NSG2: variants seen among roughly 807,000 people sequenced by gnomAD.
The protein encoded by NSG2 is neuronal vesicle trafficking-associated protein 2.
In NSG2, 4 loss-of-function variants were observed where a neutral mutation model predicts 16.9. The observed-to-expected ratio is 0.24, with a 90% confidence interval of 0.12 to 0.54. The LOEUF is 0.54. NSG2 is among the 20% of genes least tolerant of loss of function. The probability of loss-of-function intolerance (pLI) is 0.95; values close to 1 mark genes in which losing one functional copy is unlikely to be tolerated. For synonymous variants in NSG2, 98 were observed against 88.7 expected, an observed-to-expected ratio of 1.11 and a Z score of -0.59; for missense variants, 179 against 221.1, an observed-to-expected ratio of 0.81 and a Z score of 1.21.
chr5:174,059,293 G>A (rs922346056), intron 2 of NSG2, among the ~76,000 whole-genome samples: 2 of 152,124 alleles, frequency 1.3e-5, no homozygotes, highest in Non-Finnish European at 2.9e-5. Flanking sequence ...ATAGCGGTGA[G>A]GCATTCCATT....
intron 2 of NSG2, among the ~76,000 whole-genome samples, chr5:174,047,515 G>A (rs530112440): frequency 7.9e-5 from 12 of 152,324 alleles, no homozygotes; most frequent in African/African-American, 2.9e-4. Flanking sequence ...TTTGAATTGG[G>A]CTTTTAAAGG....
intron 3 of NSG2, among the ~76,000 whole-genome samples, chr5:174,085,674 A>C (rs1401151186): frequency 2.0e-5 from 3 of 152,092 alleles, no homozygotes; most frequent in Non-Finnish European, 4.4e-5. Context: ...CTTTGTACAA[A>C]ATGACCCTGG....
intron 3 of NSG2, among the ~76,000 whole-genome samples, chr5:174,089,972 A>C (rs1394656975): frequency 2.0e-5 from 3 of 152,170 alleles, no homozygotes; most frequent in African/African-American, 7.2e-5. Context: ...AGAGAAAGGC[A>C]AAGGGCTGGA....
At chr5:174,046,994 T>A in intron 2 of NSG2, 110 bp downstream of exon 2, 2 of 1,063,782 alleles carry the variant, frequency 1.9e-6, no homozygotes, top group Non-Finnish European at 2.8e-6. Context: ...ATCTGCCAAA[T>A]GTGCTCCCTT....
At chr5:174,054,303 G>A (rs1759934703) in intron 2 of NSG2, among the ~76,000 whole-genome samples, 1 of 152,224 alleles carries the variant, frequency 6.6e-6, no homozygotes, top group Non-Finnish European at 1.5e-5. Flanking sequence ...ATTGGGGTAG[G>A]TGCGTTCCAT....
chr5:174,075,194 A>G (rs1186531164), intron 3 of NSG2, among the ~76,000 whole-genome samples: 1 of 152,166 alleles, frequency 6.6e-6, no homozygotes, highest in Admixed American at 6.5e-5. Flanking sequence ...AACTCATGAA[A>G]TAGGCATATT....
intron 2 of NSG2, 88 bp downstream of exon 2, chr5:174,046,972 T>C (rs1759811114): frequency 7.4e-7 from 1 of 1,345,544 alleles, no homozygotes; most frequent in Admixed American, 1.9e-5. Flanking sequence ...CCCCAAATCC[T>C]TTCATTCTCT....
chr5:174,065,574 G>A (rs1387401220), intron 3 of NSG2, among the ~76,000 whole-genome samples: 1 of 152,198 alleles, frequency 6.6e-6, no homozygotes, highest in Non-Finnish European at 1.5e-5. Context: ...GGAGTGTGGT[G>A]GATGAAAGGG....
intron 3 of NSG2, among the ~76,000 whole-genome samples, chr5:174,098,167 CAG>C (rs1441024102): frequency 2.6e-5 from 4 of 152,144 alleles, no homozygotes; most frequent in Non-Finnish European, 5.9e-5. Context: ...GAAAGGCACA[CAG>C]GGGCTCCAGG....
At chr5:174,073,728 A>G (rs375060674) in intron 3 of NSG2, among the ~76,000 whole-genome samples, 2 of 152,220 alleles carry the variant, frequency 1.3e-5, no homozygotes, top group African/African-American at 2.4e-5. Flanking sequence ...AGGAATGTGC[A>G]TAGGGTTTGA....
Position 174,046,743 on chromosome 5 carries a change from G to A in NSG2, c.-13G>A. 6.2e-7 allele frequency: 1 copy of A among 1,613,948 alleles called. No homozygotes were observed. The highest frequency in any genetic ancestry group is 8.5e-7 in the Non-Finnish European group (1 of 1,180,000). ...CCACTGCTTGCCTTAGGTCTGGGAAGAAAGGCGTAAGGATGGTGAAGCTGA... is the reference window on the plus strand; with the variant it reads ...CCACTGCTTGCCTTAGGTCTGGGAAAAAAGGCGTAAGGATGGTGAAGCTGA... On this transcript the variant is annotated 5_prime_UTR_variant, in exon 2 of 5. Transcript: ENST00000303177.
intron 3 of NSG2, chr5:174,084,066 C>T (rs910262179): frequency 6.6e-6 from 1 of 152,298 alleles, no homozygotes. Context: ...ATGTCTTGCC[C>T]GCCTGCTGCA....
chr5:174,105,268 A>G (rs543194521), intron 4 of NSG2, among the ~76,000 whole-genome samples: 37 of 152,164 alleles, frequency 2.4e-4, no homozygotes, highest in Non-Finnish European at 4.6e-4. Flanking sequence ...CCAGCCTGAA[A>G]ATGTGTATAC....
chr5:174,083,756 AAGAC>A (rs1353655411), intron 3 of NSG2, among the ~76,000 whole-genome samples: 1 of 152,242 alleles, frequency 6.6e-6, no homozygotes, highest in Non-Finnish European at 1.5e-5. Flanking sequence ...GACCGCAAGA[AAGAC>A]AGGAGAATGA....
intron 4 of NSG2, among the ~76,000 whole-genome samples, chr5:174,106,623 C>G (rs1462679531): frequency 8.9e-6 from 1 of 111,958 alleles, no homozygotes; most frequent in Admixed American, 1.3e-4. Context: ...GCGACGGAGT[C>G]TCACTCTGTC....
intron 3 of NSG2, among the ~76,000 whole-genome samples, chr5:174,102,126 T>C (rs1190520572): frequency 3.3e-5 from 5 of 152,170 alleles, no homozygotes; most frequent in African/African-American, 1.2e-4. Flanking sequence ...CACAGTACTG[T>C]CCTAAAACTT....
At chr5:174,090,261 G>A (rs899420275) in intron 3 of NSG2, among the ~76,000 whole-genome samples, 1 of 152,178 alleles carries the variant, frequency 6.6e-6, no homozygotes, top group Non-Finnish European at 1.5e-5. Flanking sequence ...ATGAGGCAAC[G>A]TCGAGGGGAA....
At chr5:174,054,810 T>C (rs1423083694) in intron 2 of NSG2, among the ~76,000 whole-genome samples, 2 of 152,044 alleles carry the variant, frequency 1.3e-5, no homozygotes, top group African/African-American at 4.8e-5. Flanking sequence ...TACAGGGAGG[T>C]GTCAGAATAG....
intron 3 of NSG2, among the ~76,000 whole-genome samples, chr5:174,067,020 A>G (rs1760152884): frequency 6.6e-6 from 1 of 150,900 alleles, no homozygotes; most frequent in East Asian, 1.9e-4. Flanking sequence ...AAAAAAAGAA[A>G]TGATGGCTGT....
Sources: allele counts gnomAD v4.1 joint callset (sites outside exome capture counted in the v4.1 genomes callset), GRCh38; gene constraint gnomAD v4.1.1; transcripts MANE v1.5; gene names NCBI Gene and HGNC (gene_info 2026-07-23, HGNC 2026-07-21).